SH3TC2: variants seen among roughly 807,000 people sequenced by gnomAD.
SH3TC2 encodes the protein SH3 domain and tetratricopeptide repeats 2.
SH3TC2 carries 87 observed loss-of-function variants against 124.5 expected under a neutral mutation model. The observed-to-expected ratio is 0.70, with a 90% CI of 0.59 to 0.84. The LOEUF is 0.84. Ranked by LOEUF, SH3TC2 falls within the 40% of genes least tolerant of loss-of-function variation. The probability of loss-of-function intolerance (pLI) is 0.00; values close to 1 mark genes in which losing one functional copy is unlikely to be tolerated. For missense variants in SH3TC2, 1,536 were observed against 1,566.4 expected (o/e 0.98, Z 0.33); for synonymous variants, 634 against 628.5 (o/e 1.01, Z -0.13).
At position 148,991,619 on chromosome 5, in the gene SH3TC2, G is replaced by A. The variant is rs1753420923; in HGVS notation, c.*13092C>T. On this transcript the variant is annotated 3_prime_UTR_variant, in exon 17 of 17. Transcript: ENST00000515425. The stretch of plus-strand genomic sequence containing the variant: ...AAGTAGTCTCCAGACATTGCAGCTG[G>A]GTGGTTGAAATGCTTGCTCTGGGAG... 6.6e-6 allele frequency among the ~76,000 whole-genome samples: 1 copy of A among 152,188 alleles called. No individual in the cohort carries two copies. The highest frequency in any genetic ancestry group is 2.4e-5 in the African/African-American group (1 of 41,438).
rs190276136 is a variant in SH3TC2, at chr5:149,042,368, T to C, written c.529+326A>G. 7.1e-4 allele frequency among the ~76,000 whole-genome samples: 108 copies of C among 152,370 alleles called. No individual in the cohort carries two copies. In the East Asian group the frequency reaches 0.015, roughly 22 times the overall value. ...CGATTTTGGGTAGACATTAGACTTA[T>C]GTGGAAAACTTTCCAAAATATGCCA... On this transcript the variant is annotated intron_variant, in intron 5 of 16. Transcript: ENST00000515425.
At position 149,048,026 on chromosome 5, in the gene SH3TC2, A is replaced by G. The variant is rs756478107; in HGVS notation, c.152-37T>C. On this transcript the variant is annotated intron_variant, in intron 2 of 16. Coordinates refer to ENST00000515425, the MANE Select transcript of SH3TC2 (RefSeq NM_024577.4). ...CAGAGAGAGAAGGATCAGGCTGAAA[A>G]TAGAATAAAAAGGAAGAAAGAGTTA... The G allele has an allele frequency of 8.7e-6, 14 of 1,612,652 alleles. No homozygotes were observed. The South Asian group carries it at 1.3e-4, about 15-fold the overall frequency.
At chr5:149,047,680 T>C (rs2127402194) in intron 3 of SH3TC2, 182 bp downstream of exon 3, 2 of 821,226 alleles carry the variant, frequency 2.4e-6, no homozygotes, top group South Asian at 1.5e-5. Context: ...TCAGAGTTCC[T>C]GCCCACTCCT....
rs7704297 is a variant in SH3TC2 at position 149,010,732 on chromosome 5, T to C, written c.3205-340A>G. Reference sequence around the variant, plus strand: ...TCCAACCTGCAACTTTAGATAGTATTGTGTAGAATAAGGCTAAGTGTAGAA... The same window carrying C: ...TCCAACCTGCAACTTTAGATAGTATCGTGTAGAATAAGGCTAAGTGTAGAA... On this transcript the variant is annotated intron_variant, in intron 13 of 16. Transcript: ENST00000515425. Among the ~76,000 whole-genome samples, 25,055 of 152,134 alleles carry C rather than the reference T, an allele frequency of 0.16. 2,458 individuals carry two copies. The highest frequency in any genetic ancestry group is 0.24 in the East Asian group (1,263 of 5,176).
chr5:149,050,761 C>G (rs1295921943), intron 2 of SH3TC2, among the ~76,000 whole-genome samples: 9 of 152,160 alleles, frequency 5.9e-5, no homozygotes, highest in Non-Finnish European at 1.0e-4. Context: ...AAGAAAGAAC[C>G]TGGTATGACA....
rs1258968969 is a variant in SH3TC2 at position 149,003,951 on chromosome 5, G to A, written c.*760C>T. ...ATTGTGGATGAGACAAAATGTGTGT[G>A]TAAATGTAACTGGACAATATTTAAT... On this transcript the variant is annotated 3_prime_UTR_variant, in exon 17 of 17. Coordinates refer to ENST00000515425, the MANE Select transcript of SH3TC2 (RefSeq NM_024577.4). 5 of 279,548 alleles carry A rather than the reference G, an allele frequency of 1.8e-5. No homozygotes were observed. In the East Asian group the frequency reaches 4.6e-4, roughly 26 times the overall value. The allele number at this position is 279,548 out of a possible 1,614,324, so 17.3% of individuals were successfully genotyped here.
At chr5:149,041,304 C>T in intron 6 of SH3TC2, 112 bp downstream of exon 6, 3 of 1,114,218 alleles carry the variant, frequency 2.7e-6, no homozygotes, top group Non-Finnish European at 4.0e-6. Flanking sequence ...CACCCAGAAT[C>T]TGTTCTCTCC....
rs1280659364 is a variant in SH3TC2 at position 148,995,893 on chromosome 5, G to C, written c.*8818C>G. Among the ~76,000 whole-genome samples, 2 of 152,164 alleles carry C rather than the reference G, an allele frequency of 1.3e-5. No individual in the cohort carries two copies. Among genetic ancestry groups the C allele is most frequent in the African/African-American group, 4.8e-5 (2 of 41,496 alleles). ...ATAAGTGCTTTGAAGGAAAAGTACA[G>C]GGACAAATGAGCACAAGCAAAAGGG... On this transcript the variant is annotated 3_prime_UTR_variant, in exon 17 of 17. Transcript: ENST00000515425.
chr5:148,995,770 C>T lies in SH3TC2; in HGVS notation c.*8941G>A, dbSNP rs1010017940. On this transcript the variant is annotated 3_prime_UTR_variant, in exon 17 of 17. Transcript: ENST00000515425. ...CTCCAGAAATACAGAGCTGAGTGACCCAAATAAGATTCCTGTTTTCATGGA... is the reference window on the plus strand; with the variant it reads ...CTCCAGAAATACAGAGCTGAGTGACTCAAATAAGATTCCTGTTTTCATGGA... 1.5e-4 allele frequency among the ~76,000 whole-genome samples: 23 copies of T among 151,878 alleles called. No individual in the cohort carries two copies. The highest frequency in any genetic ancestry group is 5.1e-4 in the African/African-American group (21 of 41,308).
chr5:149,036,809 G>A (rs886627504), intron 8 of SH3TC2, among the ~76,000 whole-genome samples: 1 of 152,282 alleles, frequency 6.6e-6, no homozygotes, highest in East Asian at 1.9e-4. Context: ...TCTGGAGGCA[G>A]AACACAGGTG....
Position 149,026,756 on chromosome 5 carries a change from A to T in SH3TC2, c.2873-4T>A, listed in dbSNP as rs771093927. On this transcript the variant is annotated splice_polypyrimidine_tract_variant and splice_region_variant and intron_variant, in intron 11 of 16. Transcript: ENST00000515425. ...GATTTGGTGGCCTGAAGCTGACCTG[A>T]ACACAAAGCAGGGACATGAATGAGA... 29 of 1,614,114 alleles carry T rather than the reference A, an allele frequency of 1.8e-5. No individual in the cohort carries two copies. Among genetic ancestry groups the T allele is most frequent in the Non-Finnish European group, 1.2e-5 (14 of 1,180,046 alleles).
At chr5:149,054,413 G>T (rs1580918576) in intron 1 of SH3TC2, among the ~76,000 whole-genome samples, 1 of 152,134 alleles carries the variant, frequency 6.6e-6, no homozygotes, top group East Asian at 1.9e-4. Context: ...TTCTGCTTCA[G>T]TATTTGAAAG....
chr5:149,019,789 C>T (rs1753937531), intron 12 of SH3TC2, among the ~76,000 whole-genome samples: 1 of 152,184 alleles, frequency 6.6e-6, no homozygotes, highest in Non-Finnish European at 1.5e-5. Flanking sequence ...CTGCTTGTCC[C>T]TAGCTCTGTG....
intron 1 of SH3TC2, chr5:149,062,172 C>T: frequency 7.7e-6 from 3 of 388,842 alleles, no homozygotes; most frequent in South Asian, 6.0e-5. Flanking sequence ...TTCCTTGGAG[C>T]AATGTTCCCC....
Position 149,017,595 on chromosome 5 carries a change from T to G in SH3TC2, c.3054-4861A>C, listed in dbSNP as rs370561968. On this transcript the variant is annotated intron_variant, in intron 12 of 16. Coordinates refer to ENST00000515425, the MANE Select transcript of SH3TC2 (RefSeq NM_024577.4). ...TTCAAATAAAAGAAATTAAAATCAG[T>G]AAAAAGGCAGCATAAGATCATAAAT... is the stretch of plus-strand genomic sequence containing the variant. Among the ~76,000 whole-genome samples, 5 of 152,092 alleles carry G rather than the reference T, an allele frequency of 3.3e-5. No individual in the cohort carries two copies. In the East Asian group the frequency reaches 7.7e-4, roughly 23 times the overall value.
rs1261276778 is a variant in SH3TC2 at position 149,004,722 on chromosome 5, G to A, written c.3856C>T (p.Leu1286=). 6.2e-7 allele frequency: 1 copy of A among 1,613,086 alleles called. No homozygotes were observed. Among genetic ancestry groups the A allele is most frequent in the African/African-American group, 1.3e-5 (1 of 74,884 alleles). ...ERARWLSGGG[L]AL The stretch of plus-strand genomic sequence containing the variant: ...CAGGACAGCTTTCCTCAGAGGGCCA[G>A]GCCACCACCACTCAGCCACCGCGCC... The change falls in exon 17 of 17, where the codon CTG becomes TTG. Residue 1286 remains leucine, a synonymous_variant. Transcript: ENST00000515425.
At position 149,028,412 on chromosome 5, in the gene SH3TC2, G is replaced by T. The variant is rs1361033420; in HGVS notation, c.1320C>A (p.Arg440=). Residue 440 remains arginine (R), a synonymous_variant, in exon 11 of 17, where the codon CGC becomes CGA. Coordinates refer to ENST00000515425, the MANE Select transcript of SH3TC2 (RefSeq NM_024577.4). ...ELLSATSDSY[R]LPEPDDLDDP... ...CATCAAGGTCATCAGGCTCCGGCAG[G>T]CGATAGCTGTCTGAGGTGGCCGAGA... The T allele has an allele frequency of 2.0e-5, 33 of 1,613,844 alleles. No homozygotes were observed. Among genetic ancestry groups the T allele is most frequent in the Non-Finnish European group, 2.8e-5 (33 of 1,179,988 alleles).
intron 12 of SH3TC2, among the ~76,000 whole-genome samples, chr5:149,016,769 C>T (rs996256642): frequency 6.6e-6 from 1 of 151,662 alleles, no homozygotes; most frequent in African/African-American, 2.4e-5. Context: ...ACTAAAAATA[C>T]AAAAAATTAG....
At chr5:149,021,871 T>C (rs1753976474) in intron 12 of SH3TC2, among the ~76,000 whole-genome samples, 1 of 68,486 alleles carries the variant, frequency 1.5e-5, no homozygotes, top group Non-Finnish European at 2.5e-5. Context: ...CACCAATCCT[T>C]CACAAACTCT....
Sources: gnomAD v4.1 joint callset for allele counts (sites outside exome capture counted in the v4.1 genomes callset) on GRCh38, gnomAD v4.1.1 for gene constraint, MANE v1.5 for transcripts, NCBI Gene and HGNC (gene_info 2026-07-23, HGNC 2026-07-21) for gene names.